DOCK10: variants seen among roughly 807,000 people sequenced by gnomAD.
DOCK10 encodes dedicator of cytokinesis 10, also known as dedicator of cytokinesis protein 10.
DOCK10 carries 145 observed loss-of-function variants against 280.1 expected under a neutral mutation model. That is an observed-to-expected ratio of 0.52 (90% CI 0.45 to 0.59). The LOEUF is 0.59. Ranked by LOEUF, DOCK10 falls within the 20% of genes least tolerant of loss-of-function variation. The probability of loss-of-function intolerance (pLI) is 0.00; values close to 1 mark genes in which losing one functional copy is unlikely to be tolerated. For missense variants in DOCK10, 2,368 were observed against 2,651.7 expected (o/e 0.89, Z 2.35); for synonymous variants, 915 against 942.2 (o/e 0.97, Z 0.53).
In DOCK10 at chr2:224,774,959, C is replaced by T. The variant is rs377713837; in HGVS notation, c.5959G>A (p.Gly1987Ser). The change falls in exon 52 of 56, where the codon GGC becomes AGC. Residue 1987 changes from glycine (G) to serine (S), a missense_variant. Around this residue, in one of 2 missense-constraint regions of DOCK10, gnomAD observed 1,159 missense variants for 1,400.8 expected, o/e 0.83. Transcript: ENST00000258390. ...TCCGCCACCCCACCGTGCTTCTTGC[C>T]CGACAGCGTGAAGGGTGTCTCGAAG... ...FVFETPFTLS[G>S]KKHGGVAEQC... is the part of the protein sequence containing the mutation. 8 of 1,610,840 alleles carry T rather than the reference C, an allele frequency of 5.0e-6. No individual in the cohort carries two copies. The African/African-American group carries it at 9.3e-5, about 19-fold the overall frequency.
intron 7 of DOCK10, among the ~76,000 whole-genome samples, chr2:224,881,381 G>A (rs1486217687): frequency 2.0e-5 from 3 of 152,032 alleles, no homozygotes; most frequent in African/African-American, 7.3e-5. Flanking sequence ...ATATATACTA[G>A]TATTTGCTGA....
intron 1 of DOCK10, among the ~76,000 whole-genome samples, chr2:225,025,318 A>G (rs1410490991): frequency 6.6e-6 from 1 of 152,204 alleles, no homozygotes; most frequent in Non-Finnish European, 1.5e-5. Flanking sequence ...CCTTTGACCC[A>G]GGCAGTAAGA....
chr2:225,007,387 A>C (rs1236573664), intron 1 of DOCK10, among the ~76,000 whole-genome samples: 1 of 152,222 alleles, frequency 6.6e-6, no homozygotes, highest in Admixed American at 6.5e-5. Flanking sequence ...ACATTGTTGT[A>C]AATAAACTGA....
intron 2 of DOCK10, among the ~76,000 whole-genome samples, chr2:224,920,141 C>A (rs1432843426): frequency 6.6e-6 from 1 of 152,098 alleles, no homozygotes; most frequent in African/African-American, 2.4e-5. Context: ...GGTACAATCA[C>A]AGCTCACAGC....
chr2:225,031,134 C>G (rs186032647), intron 1 of DOCK10, among the ~76,000 whole-genome samples: 3 of 152,148 alleles, frequency 2.0e-5, no homozygotes, highest in Admixed American at 2.0e-4. Flanking sequence ...AAGGGCAAAA[C>G]CACACCTCTT....
rs747042329 is a variant in DOCK10, at chr2:225,012,261, T to A, written c.123+29991A>T. ...TTTTAACCTCTGCTCTGGACCAGAC[T>A]GAAATGAACAGTAATCGCATATGCT... On this transcript the variant is annotated intron_variant, in intron 1 of 55. Transcript: ENST00000258390. 5.2e-4 allele frequency among the ~76,000 whole-genome samples: 79 copies of A among 152,298 alleles called. 1 individual carries two copies. Among genetic ancestry groups the A allele is most frequent in the South Asian group, 1.4e-3 (7 of 4,828 alleles).
At chr2:225,034,796 A>T (rs540057626) in intron 1 of DOCK10, among the ~76,000 whole-genome samples, 2 of 152,344 alleles carry the variant, frequency 1.3e-5, no homozygotes, top group Admixed American at 1.3e-4. Flanking sequence ...AGTAAGAGCT[A>T]TGAAGACAAC....
intron 1 of DOCK10, chr2:224,983,724 G>GT (rs1339366585): frequency 4.3e-6 from 2 of 470,528 alleles, no homozygotes; most frequent in Non-Finnish European, 8.8e-6. Context: ...CCCCAGAGAA[G>GT]TAAAACATGC....
At chr2:224,932,526 C>T (rs1403494983) in intron 1 of DOCK10, among the ~76,000 whole-genome samples, 2 of 152,152 alleles carry the variant, frequency 1.3e-5, no homozygotes, top group Non-Finnish European at 2.9e-5. Flanking sequence ...AATCTGCATC[C>T]TCTAACCCTT....
At chr2:224,861,507 T>G (rs1048646687) in intron 14 of DOCK10, 2 of 152,206 alleles carry the variant, frequency 1.3e-5, no homozygotes, top group African/African-American at 4.8e-5. Flanking sequence ...CTATCTTGAT[T>G]TACTGCTGCC....
chr2:224,794,545 T>C (rs956294954), intron 45 of DOCK10, among the ~76,000 whole-genome samples: 12 of 152,160 alleles, frequency 7.9e-5, no homozygotes, highest in African/African-American at 2.9e-4. Context: ...AGAAGAAGTT[T>C]TAAAACACAG....
chr2:224,778,716 G>T (rs548691446), intron 50 of DOCK10, among the ~76,000 whole-genome samples: 1 of 152,254 alleles, frequency 6.6e-6, no homozygotes, highest in South Asian at 2.1e-4. Context: ...ACTAACATAA[G>T]AAATGGTGTA....
At chr2:224,780,328 T>C (rs986120376) in intron 50 of DOCK10, among the ~76,000 whole-genome samples, 6 of 152,138 alleles carry the variant, frequency 3.9e-5, no homozygotes, top group Admixed American at 2.0e-4. Flanking sequence ...TTTTGTCTGA[T>C]TCAAGGTCAG....
chr2:224,831,654 C>T (rs908684467), intron 26 of DOCK10, among the ~76,000 whole-genome samples: 5 of 152,248 alleles, frequency 3.3e-5, no homozygotes, highest in African/African-American at 4.8e-5. Flanking sequence ...CCTGTTCCTA[C>T]TTAGGGCTTT....
At chr2:224,953,327 C>A (rs184529186) in intron 1 of DOCK10, among the ~76,000 whole-genome samples, 1 of 152,174 alleles carries the variant, frequency 6.6e-6, no homozygotes, top group Non-Finnish European at 1.5e-5. Flanking sequence ...CAGTAGATTT[C>A]CCCATTTGCC....
intron 2 of DOCK10, among the ~76,000 whole-genome samples, chr2:224,927,857 A>G (rs1294635739): frequency 6.6e-6 from 1 of 152,038 alleles, no homozygotes; most frequent in Non-Finnish European, 1.5e-5. Context: ...GTGGAAACAT[A>G]CAAGTGAGCT....
intron 1 of DOCK10, among the ~76,000 whole-genome samples, chr2:225,034,844 G>A (rs922891502): frequency 1.3e-5 from 2 of 152,156 alleles, no homozygotes; most frequent in Non-Finnish European, 2.9e-5. Context: ...TGAGGGTGGG[G>A]AGCCTGGTGG....
chr2:224,828,938 G>T (rs762087476), intron 27 of DOCK10, among the ~76,000 whole-genome samples: 1 of 137,526 alleles, frequency 7.3e-6, no homozygotes. Context: ...TGGTTCCTTT[G>T]TCTGTTCCTG....
At chr2:224,930,572 A>G (rs1575075407) in intron 2 of DOCK10, among the ~76,000 whole-genome samples, 1 of 28,226 alleles carries the variant, frequency 3.5e-5, no homozygotes, top group African/African-American at 7.5e-5. Flanking sequence ...GAGGAAGGTG[A>G]AAAAAAAAAA....
Sources: allele counts gnomAD v4.1 joint callset (sites outside exome capture counted in the v4.1 genomes callset), GRCh38; gene constraint gnomAD v4.1.1; regional missense constraint gnomAD v4.1.1; transcripts MANE v1.5; gene names NCBI Gene and HGNC (gene_info 2026-07-23, HGNC 2026-07-21).